Variants in HDAC4 observed in about 807,000 individuals in gnomAD.
The protein encoded by HDAC4 is histone deacetylase 4.
In HDAC4, 16 loss-of-function variants were observed where a neutral mutation model predicts 135.1. The observed-to-expected ratio is 0.12, with a 90% CI of 0.08 to 0.18. The LOEUF is 0.18. Among genes scored for constraint, HDAC4 ranks in the 10% least tolerant of loss-of-function variants. HDAC4 has a pLI of 1.00. For missense variants in HDAC4, 1,143 were observed against 1,511.8 expected (o/e 0.76, Z 4.05); for synonymous variants, 685 against 653.4 (o/e 1.05, Z -0.74).
intron 1 of HDAC4, among the ~76,000 whole-genome samples, chr2:239,398,856 G>C (rs1279058104): frequency 1.3e-5 from 2 of 152,236 alleles, no homozygotes; most frequent in African/African-American, 4.8e-5. Flanking sequence ...CATGCCTGCT[G>C]CCAGCTCCCC....
At chr2:239,136,456 G>A (rs1030222044) in intron 9 of HDAC4, among the ~76,000 whole-genome samples, 5 of 152,178 alleles carry the variant, frequency 3.3e-5, no homozygotes, top group African/African-American at 1.2e-4. Flanking sequence ...GGACACTGAG[G>A]TTGATTCGAC....
intron 7 of HDAC4, among the ~76,000 whole-genome samples, chr2:239,154,426 T>A (rs2042297947): frequency 6.6e-6 from 1 of 152,110 alleles, no homozygotes. Context: ...AAGGCATTTG[T>A]TTCAGGGCAC....
At chr2:239,090,316 G>A (rs2036388721) in intron 17 of HDAC4, among the ~76,000 whole-genome samples, 200 bp from the exon 18 acceptor site, 1 of 151,996 alleles carries the variant, frequency 6.6e-6, no homozygotes, top group African/African-American at 2.4e-5. Flanking sequence ...AAATACAAGA[G>A]AATTTACCAG....
At chr2:239,087,044 C>A (rs914574484) in intron 19 of HDAC4, among the ~76,000 whole-genome samples, 6 of 152,228 alleles carry the variant, frequency 3.9e-5, no homozygotes, top group Admixed American at 6.5e-5. Flanking sequence ...ACACCCCACA[C>A]TCGCCACCCT....
Position 239,216,487 on chromosome 2 carries a change from C to T in HDAC4, c.94+20106G>A, listed in dbSNP as rs557833360. ...ACCTGGGGACACAGGTGCTCACTGT[C>T]CACACCTGCTGCGCTGCAGACCACT... is the stretch of plus-strand genomic sequence containing the variant. On this transcript the variant is annotated intron_variant, in intron 3 of 26. Transcript: ENST00000543185. 7.2e-5 allele frequency among the ~76,000 whole-genome samples: 11 copies of T among 152,326 alleles called. No individual in the cohort carries two copies. The East Asian group carries it at 2.1e-3, about 29-fold the overall frequency.
rs1341160316 is a variant in HDAC4, at chr2:239,053,252, C to T, written c.3231-116G>A. On this transcript the variant is annotated intron_variant, in intron 26 of 26. Coordinates refer to ENST00000543185, the MANE Select transcript of HDAC4 (RefSeq NM_001378414.1). Reference sequence around the variant, plus strand: ...GCCCCACCCGCCAGCCTAGCCCTGGCCTGGCAGCCCCGGGTCCATCTGTTC... The same window carrying T: ...GCCCCACCCGCCAGCCTAGCCCTGGTCTGGCAGCCCCGGGTCCATCTGTTC... 2.1e-5 allele frequency: 30 copies of T among 1,409,488 alleles called. 1 individual carries two copies. The Admixed American group carries it at 5.4e-4, about 26-fold the overall frequency. 87.3% of individuals were successfully genotyped at this position (1,409,488 alleles called of 1,614,324 possible).
chr2:239,233,378 C>T (rs1052377256), intron 3 of HDAC4, among the ~76,000 whole-genome samples: 1 of 151,766 alleles, frequency 6.6e-6, no homozygotes, highest in South Asian at 2.1e-4. Flanking sequence ...AAAGGCAATG[C>T]TCATTGGGGC....
intron 16 of HDAC4, among the ~76,000 whole-genome samples, chr2:239,099,077 C>G (rs1449006035): frequency 6.6e-6 from 1 of 152,226 alleles, no homozygotes; most frequent in Non-Finnish European, 1.5e-5. Flanking sequence ...AGAAAGGGGT[C>G]TTCCTTTTTG....
At chr2:239,399,278 AAT>A (rs755592936) in intron 1 of HDAC4, among the ~76,000 whole-genome samples, 17 of 152,372 alleles carry the variant, frequency 1.1e-4, no homozygotes, top group African/African-American at 4.1e-4. Context: ...TTCCAATTAT[AAT>A]AGAGTAATTG....
chr2:239,084,047 T>C (rs1027615804), intron 20 of HDAC4, 108 bp downstream of exon 20: 2 of 792,212 alleles, frequency 2.5e-6, no homozygotes, highest in Admixed American at 2.0e-5. Context: ...TCCAGAAACC[T>C]AAGCTTCCCA....
intron 1 of HDAC4, among the ~76,000 whole-genome samples, chr2:239,379,304 C>A (rs1695253047): frequency 6.6e-6 from 1 of 152,062 alleles, no homozygotes; most frequent in South Asian, 2.1e-4. Flanking sequence ...CGCAGGTGGG[C>A]GAGCCCCGGG....
chr2:239,379,717 A>T (rs1030431725), intron 1 of HDAC4, among the ~76,000 whole-genome samples: 1 of 152,178 alleles, frequency 6.6e-6, no homozygotes, highest in Admixed American at 6.5e-5. Flanking sequence ...AGGGTGGGGT[A>T]AGCGCCCTTT....
At chr2:239,323,692 A>C (rs1350288663) in intron 2 of HDAC4, among the ~76,000 whole-genome samples, 1 of 152,012 alleles carries the variant, frequency 6.6e-6, no homozygotes. Context: ...GGTAATGCTG[A>C]ATTCATGTCT....
rs1343062728 is a variant in HDAC4, at chr2:239,190,072, C to T, written c.100G>A (p.Val34Met). 1 of 1,599,796 alleles carries T rather than the reference C, an allele frequency of 6.3e-7. No individual in the cohort carries two copies. Among genetic ancestry groups the T allele is most frequent in the Admixed American group, 1.7e-5 (1 of 59,906 alleles). The change falls in exon 4 of 27, where the codon GTG becomes ATG. Residue 34 changes from valine (V) to methionine (M), a missense_variant. Physicochemically the swap from Val to Met is conservative, Grantham distance 21 (BLOSUM62 1). This residue lies in a region of HDAC4 where 247 missense variants were observed against 310.0 expected (regional missense o/e 0.80). Transcript: ENST00000543185. ...ACTTGCAGAGGCAGCGCCGTGGCCA[C>T]ATCCACTGTGGGAAAAACAAGCAGG... ...RVNHMPSTVDVATALPLQVAP... is the reference protein window; with the variant it reads ...RVNHMPSTVDMATALPLQVAP...
At chr2:239,387,723 G>A (rs187158414) in intron 1 of HDAC4, among the ~76,000 whole-genome samples, 1 of 152,220 alleles carries the variant, frequency 6.6e-6, no homozygotes, top group African/African-American at 2.4e-5. Flanking sequence ...CACCAGAGCA[G>A]CTGGAACGTG....
rs542661355 is a variant in HDAC4 at position 239,358,307 on chromosome 2, T to A, written c.-219-5389A>T. On this transcript the variant is annotated intron_variant, in intron 1 of 26. Coordinates refer to ENST00000543185, the MANE Select transcript of HDAC4 (RefSeq NM_001378414.1). ...GTTATCCGCTGTGTTATTAGTCCCA[T>A]ACTGCCACCATTGGTGTTGGTGCTA... 3.9e-5 allele frequency among the ~76,000 whole-genome samples: 6 copies of A among 152,370 alleles called. No individual in the cohort carries two copies. In the East Asian group the frequency reaches 1.2e-3, roughly 29 times the overall value.
intron 17 of HDAC4, among the ~76,000 whole-genome samples, chr2:239,090,905 T>C (rs908523110): frequency 6.6e-6 from 1 of 152,082 alleles, no homozygotes; most frequent in Non-Finnish European, 1.5e-5. Context: ...TCTCTTCCAA[T>C]AGTGACTTTC....
At chr2:239,158,633 G>A (rs552025002) in intron 6 of HDAC4, among the ~76,000 whole-genome samples, 3 of 152,120 alleles carry the variant, frequency 2.0e-5, no homozygotes, top group African/African-American at 7.2e-5. Context: ...GGACCACCTC[G>A]ATGGATCCAG....
rs12998494 is a variant in HDAC4 at position 239,126,872 on chromosome 2, C to T, written c.1295-178G>A. Among the ~76,000 whole-genome samples, 19,913 of 152,214 alleles carry T rather than the reference C, an allele frequency of 0.13. 1,673 individuals are homozygous for T. The highest frequency in any genetic ancestry group is 0.18 in the Non-Finnish European group (12,252 of 67,988). On this transcript the variant is annotated intron_variant, in intron 11 of 26. Coordinates refer to ENST00000543185, the MANE Select transcript of HDAC4 (RefSeq NM_001378414.1). Reference sequence around the variant, plus strand: ...GCCCCTTCCAGCTGAGGCTGGGGGCCGTGAGCTGGTGCTTTGGGACTATAG... The same window carrying T: ...GCCCCTTCCAGCTGAGGCTGGGGGCTGTGAGCTGGTGCTTTGGGACTATAG...
Sources: gnomAD v4.1 joint callset for allele counts (sites outside exome capture counted in the v4.1 genomes callset) on GRCh38, gnomAD v4.1.1 for gene constraint, gnomAD v4.1.1 regional missense constraint, MANE v1.5 for transcripts, NCBI Gene and HGNC (gene_info 2026-07-23, HGNC 2026-07-21) for gene names.